Variants in C10orf71 observed in about 807,000 individuals in gnomAD.
C10orf71 encodes cardiac-enriched FHL2-interacting protein.
For synonymous variants in C10orf71, 758 were observed against 726.3 expected, an observed-to-expected ratio of 1.04 and a Z score of -0.70; for missense variants, 1,869 against 1,804.5, an observed-to-expected ratio of 1.04 and a Z score of -0.65.
Position 49,323,314 on chromosome 10 carries a change from C to G in C10orf71, c.769C>G (p.Pro257Ala), listed in dbSNP as rs141925705. ...ESKFPSPHHK[P>A]VTGEPGRGKG... Reference sequence around the variant, plus strand: ...AAAGTTCCCCTCTCCACACCACAAGCCAGTCACGGGTGAGCCTGGGAGAGG... The same window carrying G: ...AAAGTTCCCCTCTCCACACCACAAGGCAGTCACGGGTGAGCCTGGGAGAGG... The change falls in exon 3 of 3, where the codon CCA becomes GCA. Residue 257 changes from proline to alanine, a missense_variant. By Grantham distance (27) the Pro-to-Ala change is conservative. Transcript: ENST00000374144. The G allele has an allele frequency of 4.2e-5, 68 of 1,613,876 alleles. No individual in the cohort carries two copies. In the East Asian group the frequency reaches 1.1e-3, roughly 26 times the overall value.
Position 49,325,047 on chromosome 10 carries a change from C to G in C10orf71, c.2502C>G (p.Thr834=), listed in dbSNP as rs1027286987. 6.4e-7 allele frequency: 1 copy of G among 1,551,776 alleles called. No individual in the cohort carries two copies. The highest frequency in any genetic ancestry group is 8.7e-7 in the Non-Finnish European group (1 of 1,147,008). The part of the protein sequence containing the change: ...GSWIGENKGT[T]FSQAKDLTPS... The stretch of plus-strand genomic sequence containing the variant: ...GGATTGGGGAAAATAAGGGCACAAC[C>G]TTTTCACAGGCCAAAGACCTTACTC... The change falls in exon 3 of 3, where the codon ACC becomes ACG. Residue 834 remains threonine, a synonymous_variant. Transcript: ENST00000374144.
chr10:49,322,621 G>A lies in C10orf71; in HGVS notation c.76G>A (p.Asp26Asn). 6.2e-7 allele frequency: 1 copy of A among 1,613,256 alleles called. No individual in the cohort carries two copies. The highest frequency in any genetic ancestry group is 8.5e-7 in the Non-Finnish European group (1 of 1,179,530). ...SSIGSVLDDA[D>N]REVSSLTDRA... The stretch of plus-strand genomic sequence containing the variant: ...CATCGGCAGCGTGTTGGATGATGCA[G>A]ACAGGGAGGTGAGCAGCCTAACAGA... Residue 26 changes from aspartate (D) to asparagine (N), a missense_variant, in exon 3 of 3, where the codon GAC (aspartate) becomes AAC (asparagine). Coordinates refer to ENST00000374144, the MANE Select transcript of C10orf71 (RefSeq NM_001135196.2).
chr10:49,310,818 TGAAGAA>T (rs536447518), intron 1 of C10orf71, among the ~76,000 whole-genome samples: 1 of 152,014 alleles, frequency 6.6e-6, no homozygotes, highest in Admixed American at 6.6e-5. Context: ...ATGATGATGA[TGAAGAA>T]GAAGAAGAGG....
At position 49,326,242 on chromosome 10, in the gene C10orf71, C is replaced by T; in HGVS notation, c.3697C>T (p.Pro1233Ser). 1 of 1,550,674 alleles carries T rather than the reference C, an allele frequency of 6.4e-7. No individual in the cohort carries two copies. The highest frequency in any genetic ancestry group is 8.7e-7 in the Non-Finnish European group (1 of 1,146,956). ...CAGAGAGAGGCCCCGACACAATTTCCCCGTGGTCCGTTCCCTGCCCCCTCC... is the reference window on the plus strand; with the variant it reads ...CAGAGAGAGGCCCCGACACAATTTCTCCGTGGTCCGTTCCCTGCCCCCTCC... ...CPRERPRHNF[P>S]VVRSLPPPVH... is the part of the protein sequence containing the mutation. Residue 1233 changes from proline (P) to serine (S), a missense_variant, in exon 3 of 3, where the codon CCC (proline) becomes TCC (serine). Transcript: ENST00000374144.
In C10orf71 at chr10:49,323,662, CAAGAG is replaced by C; in HGVS notation, c.1121_1125del (p.Glu374AlafsTer53). On this transcript the variant is annotated frameshift_variant, in exon 3 of 3. Transcript: ENST00000374144. LOFTEE classifies it low-confidence loss of function (END_TRUNC). ...AGCTCCCAGCTCACAACCTGATTCT[CAAGAG>C]AAGCCAGCCCAGCCCCCATGGAGGA... 6.2e-7 allele frequency: 1 copy of C among 1,609,426 alleles called. No individual in the cohort carries two copies. The highest frequency in any genetic ancestry group is 8.5e-7 in the Non-Finnish European group (1 of 1,178,786).
intron 1 of C10orf71, among the ~76,000 whole-genome samples, chr10:49,310,460 G>C (rs537039802): frequency 4.8e-4 from 73 of 152,286 alleles, no homozygotes; most frequent in Non-Finnish European, 9.0e-4. Flanking sequence ...AGGTGGTAAG[G>C]TGGTGAGCCC....
Position 49,326,817 on chromosome 10 carries a change from T to C in C10orf71, c.4272T>C (p.Asp1424=), listed in dbSNP as rs12411843. Residue 1424 remains aspartate, a synonymous_variant, in exon 3 of 3, where the codon GAT becomes GAC. Coordinates refer to ENST00000374144, the MANE Select transcript of C10orf71 (RefSeq NM_001135196.2). ...EAPGLGIIST[D]DLEDFATEGI... is the part of the protein sequence containing the mutation. ...CAGGCCTGGGCATCATCTCCACTGA[T>C]GACCTAGAGGACTTTGCCACAGAAG... The C allele has an allele frequency of 0.33, 506,374 of 1,547,422 alleles. 85,288 individuals carry two copies. Among genetic ancestry groups the C allele is most frequent in the East Asian group, 0.43 (17,692 of 40,820 alleles).
chr10:49,306,237 C>T (rs575733158), intron 1 of C10orf71, among the ~76,000 whole-genome samples: 3 of 152,354 alleles, frequency 2.0e-5, no homozygotes, highest in Admixed American at 1.3e-4. Context: ...CATCGAGAGA[C>T]TCTCAAGCAG....
chr10:49,317,947 C>T (rs143424747), intron 2 of C10orf71, among the ~76,000 whole-genome samples: 6 of 152,234 alleles, frequency 3.9e-5, no homozygotes, highest in East Asian at 3.9e-4. Context: ...AGGGAGAAGA[C>T]GGGTGTCCTC....
intron 1 of C10orf71, among the ~76,000 whole-genome samples, chr10:49,300,415 G>T (rs1848706343): frequency 7.0e-6 from 1 of 143,474 alleles, no homozygotes; most frequent in Admixed American, 7.4e-5. Context: ...AAAGTTTGCT[G>T]ACCACTGTGT....
At chr10:49,315,817 A>G (rs1040071175) in intron 1 of C10orf71, among the ~76,000 whole-genome samples, 1 of 152,194 alleles carries the variant, frequency 6.6e-6, no homozygotes, top group African/African-American at 2.4e-5. Flanking sequence ...GAACTTTGGG[A>G]GGCCAAGGCA....
At chr10:49,313,248 A>C (rs182910966) in intron 1 of C10orf71, among the ~76,000 whole-genome samples, 1 of 152,354 alleles carries the variant, frequency 6.6e-6, no homozygotes, top group Non-Finnish European at 1.5e-5. Context: ...TCTGAAGCAC[A>C]TGTTGGAGTT....
Position 49,322,919 on chromosome 10 carries a change from G to A in C10orf71, c.374G>A (p.Arg125Lys), listed in dbSNP as rs1371231962. ...TSPPPTPVQR[R>K]LEVPVSGLRS... ...CCCCCACCAACGCCAGTCCAGAGGAGACTGGAGGTGCCAGTTTCCGGCCTA... is the reference window on the plus strand; with the variant it reads ...CCCCCACCAACGCCAGTCCAGAGGAAACTGGAGGTGCCAGTTTCCGGCCTA... Residue 125 changes from arginine to lysine, a missense_variant, in exon 3 of 3, where the codon AGA becomes AAA. Arg to Lys is a conservative substitution (Grantham distance 26, BLOSUM62 2). Transcript: ENST00000374144. 2 of 1,613,788 alleles carry A rather than the reference G, an allele frequency of 1.2e-6. No homozygotes were observed. The highest frequency in any genetic ancestry group is 1.7e-6 in the Non-Finnish European group (2 of 1,179,844).
chr10:49,312,081 T>C (rs753093083), intron 1 of C10orf71, among the ~76,000 whole-genome samples: 3 of 152,192 alleles, frequency 2.0e-5, no homozygotes, highest in Non-Finnish European at 4.4e-5. Context: ...TGGGGATACA[T>C]GTTCAGATTG....
At position 49,325,872 on chromosome 10, in the gene C10orf71, G is replaced by A; in HGVS notation, c.3327G>A (p.Arg1109=). The stretch of plus-strand genomic sequence containing the variant: ...GCTCCAGTCCTGCCAGGGTCACCCG[G>A]AGGGAGGACCTGACCCACGCCCTCG... The part of the protein sequence containing the change: ...WASSSPARVT[R]REDLTHALVW... Residue 1109 remains arginine (R), a synonymous_variant, in exon 3 of 3, where the codon CGG becomes CGA. Coordinates refer to ENST00000374144, the MANE Select transcript of C10orf71 (RefSeq NM_001135196.2). The A allele has an allele frequency of 1.9e-6, 3 of 1,550,340 alleles. No homozygotes were observed. The highest frequency in any genetic ancestry group is 2.6e-6 in the Non-Finnish European group (3 of 1,146,008).
chr10:49,319,980 G>A (rs924985727), intron 2 of C10orf71, among the ~76,000 whole-genome samples: 1 of 152,010 alleles, frequency 6.6e-6, no homozygotes, highest in African/African-American at 2.4e-5. Flanking sequence ...GCTTCCAGGG[G>A]GGAGGGGAAA....
At position 49,325,756 on chromosome 10, in the gene C10orf71, G is replaced by A. The variant is rs1448186192; in HGVS notation, c.3211G>A (p.Ala1071Thr). The A allele has an allele frequency of 6.4e-7, 1 of 1,551,420 alleles. No homozygotes were observed. The highest frequency in any genetic ancestry group is 1.4e-5 in the African/African-American group (1 of 73,144). ...SPGESSACSPAASNIWEESSQ... is the reference protein window; with the variant it reads ...SPGESSACSPTASNIWEESSQ... ...CGGGGAGAGCAGTGCCTGCTCCCCT[G>A]CTGCCAGCAACATTTGGGAGGAGTC... Residue 1071 changes from alanine to threonine, a missense_variant, in exon 3 of 3, where the codon GCT (alanine) becomes ACT (threonine). Transcript: ENST00000374144.
Position 49,324,350 on chromosome 10 carries a change from T to A in C10orf71, c.1805T>A (p.Phe602Tyr), listed in dbSNP as rs1024869493. ...STAPTIAKAP[F>Y]YVNGEAAERS... ...GCTCCGACTATCGCCAAAGCCCCCT[T>A]CTATGTCAATGGGGAGGCTGCTGAG... Residue 602 changes from phenylalanine to tyrosine, a missense_variant, in exon 3 of 3, where the codon TTC becomes TAC. Coordinates refer to ENST00000374144, the MANE Select transcript of C10orf71 (RefSeq NM_001135196.2). 1.5e-5 allele frequency: 25 copies of A among 1,613,790 alleles called. No homozygotes were observed. The highest frequency in any genetic ancestry group is 2.1e-5 in the Non-Finnish European group (25 of 1,179,840).
chr10:49,317,237 A>G (rs1163900729), intron 2 of C10orf71, among the ~76,000 whole-genome samples: 1 of 152,054 alleles, frequency 6.6e-6, no homozygotes, highest in Non-Finnish European at 1.5e-5. Flanking sequence ...CAAACCCCAC[A>G]CCAGCCTCAA....
Sources: allele counts gnomAD v4.1 joint callset (sites outside exome capture counted in the v4.1 genomes callset), GRCh38; gene constraint gnomAD v4.1.1; transcripts MANE v1.5; gene names NCBI Gene and HGNC (gene_info 2026-07-23, HGNC 2026-07-21).